Variants in SIRPG observed in about 807,000 individuals in gnomAD.
The protein encoded by SIRPG is signal regulatory protein gamma, also known as signal-regulatory protein gamma.
A neutral mutation model predicts 35.7 loss-of-function variants in SIRPG; 38 were observed. That is an observed-to-expected ratio of 1.06 (90% CI 0.82 to 1.40). The LOEUF (loss-of-function observed/expected upper bound fraction) is 1.40, where lower values mean the gene tolerates loss of function less well. Among genes scored for constraint, SIRPG ranks in the 40% most tolerant of loss-of-function variants. The pLI is 0.00. For synonymous variants in SIRPG, 215 were observed against 190.4 expected, an observed-to-expected ratio of 1.13 and a Z score of -1.06; for missense variants, 519 against 483.0, an observed-to-expected ratio of 1.07 and a Z score of -0.70.
chr20:1,661,410 A>G (rs1401678712), upstream of SIRPG, among the ~76,000 whole-genome samples: 1 of 152,232 alleles, frequency 6.6e-6, no homozygotes, highest in Non-Finnish European at 1.5e-5. Context: ...GATGGGAGAG[A>G]AGAAAATGCT....
chr20:1,680,237 T>C, the SIRPG span, among the ~76,000 whole-genome samples: 2 of 152,224 alleles, frequency 1.3e-5, no homozygotes, highest in African/African-American at 2.4e-5. Context: ...ACCACTCATG[T>C]TGGCCATGAA....
At position 1,636,235 on chromosome 20, in the gene SIRPG, T is replaced by G; in HGVS notation, c.701A>C (p.Gln234Pro). 6.2e-7 allele frequency: 1 copy of G among 1,614,186 alleles called. No homozygotes were observed. The highest frequency in any genetic ancestry group is 8.5e-7 in the Non-Finnish European group (1 of 1,180,014). Residue 234 changes from glutamine to proline, a missense_variant, in exon 3 of 6, where the codon CAG (glutamine) becomes CCG (proline). Transcript: ENST00000303415. Reference sequence around the variant, plus strand: ...GGCAGTCCCACGAAGAGGGTCCCCCTGCAAGGTGACATGGGCCACCTCGCA... The same window carrying G: ...GGCAGTCCCACGAAGAGGGTCCCCCGGCAAGGTGACATGGGCCACCTCGCA... ...VICEVAHVTLQGDPLRGTANL... is the reference protein window; with the variant it reads ...VICEVAHVTLPGDPLRGTANL...
chr20:1,642,901 C>G (rs1360074281), intron 2 of SIRPG, among the ~76,000 whole-genome samples: 3 of 152,180 alleles, frequency 2.0e-5, no homozygotes, highest in African/African-American at 7.2e-5. Context: ...TTGGCCCCCA[C>G]TCTCTCCTGG....
chr20:1,632,799 A>T (rs994498056), intron 4 of SIRPG, among the ~76,000 whole-genome samples: 1 of 152,090 alleles, frequency 6.6e-6, no homozygotes, highest in African/African-American at 2.4e-5. Flanking sequence ...CATAGAAAAG[A>T]GCAAAAGCCT....
intron 2 of SIRPG, among the ~76,000 whole-genome samples, chr20:1,643,904 T>G (rs182169761): frequency 6.6e-6 from 1 of 152,274 alleles, no homozygotes; most frequent in Admixed American, 6.5e-5. Flanking sequence ...GACATGTCAC[T>G]TGAAGAGGCT....
At position 1,630,322 on chromosome 20, in the gene SIRPG, G is replaced by A; in HGVS notation, c.1082-16C>T. ...GATGCCGGGCCTGGAAATCAGGGAA[G>A]ACGAGGGGCTATGAGAGAGACCACT... On this transcript the variant is annotated splice_polypyrimidine_tract_variant and intron_variant, in intron 4 of 5. Coordinates refer to ENST00000303415, the MANE Select transcript of SIRPG (RefSeq NM_018556.4). 1 of 1,546,194 alleles carries A rather than the reference G, an allele frequency of 6.5e-7. No individual in the cohort carries two copies. The highest frequency in any genetic ancestry group is 8.8e-7 in the Non-Finnish European group (1 of 1,142,212).
intron 1 of SIRPG, among the ~76,000 whole-genome samples, chr20:1,651,934 A>C (rs1045577125): frequency 6.6e-6 from 1 of 152,198 alleles, no homozygotes; most frequent in African/African-American, 2.4e-5. Flanking sequence ...ATAATCCAGC[A>C]TCTCTGAGTT....
chr20:1,653,838 T>C (rs1403010731), intron 1 of SIRPG, among the ~76,000 whole-genome samples: 1 of 152,208 alleles, frequency 6.6e-6, no homozygotes. Context: ...AAATTCTGTG[T>C]GTGTTTCAGC....
chr20:1,672,169 G>T, the SIRPG span, among the ~76,000 whole-genome samples: 6 of 152,158 alleles, frequency 3.9e-5, no homozygotes, highest in Non-Finnish European at 7.3e-5. Context: ...CAGCATTTCT[G>T]CTTCCCGGGA....
upstream of SIRPG, among the ~76,000 whole-genome samples, chr20:1,662,037 C>A (rs572831142): frequency 1.3e-4 from 20 of 152,318 alleles, no homozygotes; most frequent in South Asian, 4.1e-3. Context: ...GTCCCCTGCA[C>A]AACCCCTGCA....
chr20:1,647,990 C>A (rs999232643), intron 2 of SIRPG: 3 of 152,210 alleles, frequency 2.0e-5, no homozygotes, highest in Non-Finnish European at 4.4e-5. Context: ...CTATTCGGAC[C>A]TTGACTCTGG....
the SIRPG span, among the ~76,000 whole-genome samples, chr20:1,665,931 T>C: frequency 6.6e-6 from 1 of 152,110 alleles, no homozygotes; most frequent in South Asian, 2.1e-4. Context: ...CTCAGGCACG[T>C]CCTTCAGGAG....
At chr20:1,681,232 C>G in the SIRPG span, among the ~76,000 whole-genome samples, 1 of 152,184 alleles carries the variant, frequency 6.6e-6, no homozygotes, top group Non-Finnish European at 1.5e-5. Context: ...ATACCACACC[C>G]CTGCACACAC....
intron 2 of SIRPG, among the ~76,000 whole-genome samples, chr20:1,645,044 C>T (rs140309685): frequency 2.2e-3 from 333 of 152,246 alleles, no homozygotes; most frequent in African/African-American, 7.1e-3. Flanking sequence ...ACTTTTGGGG[C>T]TGAGGAGTAC....
chr20:1,683,474 G>T, the SIRPG span, among the ~76,000 whole-genome samples: 1 of 152,152 alleles, frequency 6.6e-6, no homozygotes, highest in African/African-American at 2.4e-5. Flanking sequence ...ATTTACAGTA[G>T]CAAAAATGGA....
intron 2 of SIRPG, 94 bp downstream of exon 2, chr20:1,648,958 A>C (rs6074948): frequency 0.7 from 838,664 of 1,197,972 alleles, 295,329 homozygotes; most frequent in East Asian, 0.85. Context: ...TGAGCACTGA[A>C]AATCACACCT....
chr20:1,636,764 A>G (rs747203491), intron 2 of SIRPG, among the ~76,000 whole-genome samples: 4 of 152,226 alleles, frequency 2.6e-5, no homozygotes, highest in Non-Finnish European at 5.9e-5. Flanking sequence ...CTCTCCACAT[A>G]GGGTGACTTC....
At chr20:1,635,003 A>T (rs1014404440) in intron 4 of SIRPG, among the ~76,000 whole-genome samples, 2 of 151,806 alleles carry the variant, frequency 1.3e-5, no homozygotes, top group Non-Finnish European at 2.9e-5. Context: ...AGATCGCGCC[A>T]CTGCACTCCA....
At chr20:1,634,669 A>C (rs1396483362) in intron 4 of SIRPG, among the ~76,000 whole-genome samples, 1 of 152,164 alleles carries the variant, frequency 6.6e-6, no homozygotes, top group Non-Finnish European at 1.5e-5. Flanking sequence ...AAACGGGCAC[A>C]ACAACTCTCA....
Sources: allele counts gnomAD v4.1 joint callset (sites outside exome capture counted in the v4.1 genomes callset), GRCh38; gene constraint gnomAD v4.1.1; transcripts MANE v1.5; gene names NCBI Gene and HGNC (gene_info 2026-07-23, HGNC 2026-07-21).